BTRC: variants seen among roughly 807,000 people sequenced by gnomAD.
The protein encoded by BTRC is F-box/WD repeat-containing protein 1A.
Under a neutral mutation model 85.5 loss-of-function variants are expected in BTRC, and 42 were observed. The ratio of observed to expected loss-of-function variants is 0.49; its 90% CI spans 0.38 to 0.64. The LOEUF is 0.64. Among genes scored for constraint, BTRC ranks in the 30% least tolerant of loss-of-function variants. The probability of loss-of-function intolerance (pLI) is 0.00; values close to 1 mark genes in which losing one functional copy is unlikely to be tolerated. For synonymous variants in BTRC, 255 were observed against 263.3 expected (o/e 0.97, Z 0.30); for missense variants, 594 against 743.5 (o/e 0.80, Z 2.34).
chr10:101,358,218 C>T (rs1049761264), intron 1 of BTRC, among the ~76,000 whole-genome samples: 5 of 152,194 alleles, frequency 3.3e-5, no homozygotes, highest in African/African-American at 7.2e-5. Context: ...CCTCCTGCCT[C>T]GGCGTCTCAA....
At chr10:101,552,855 C>G (rs774811168) in intron 14 of BTRC, among the ~76,000 whole-genome samples, 18 of 152,190 alleles carry the variant, frequency 1.2e-4, no homozygotes, top group Non-Finnish European at 2.2e-4. Context: ...CCCTGCCATT[C>G]TACAGGGCAA....
chr10:101,534,591 C>A, intron 9 of BTRC, 70 bp from the exon 10 acceptor site: 1 of 1,580,698 alleles, frequency 6.3e-7, no homozygotes, highest in Admixed American at 1.7e-5. Flanking sequence ...GGTGGAAGGG[C>A]GCATGATGGT....
At chr10:101,459,606 T>G (rs1945170110) in intron 2 of BTRC, among the ~76,000 whole-genome samples, 1 of 152,206 alleles carries the variant, frequency 6.6e-6, no homozygotes, top group Non-Finnish European at 1.5e-5. Context: ...ATTTTTTGTT[T>G]AAGAGTTATT....
At chr10:101,431,082 T>TTA (rs1944391662) in intron 2 of BTRC, among the ~76,000 whole-genome samples, 1 of 143,050 alleles carries the variant, frequency 7.0e-6, no homozygotes, top group South Asian at 2.4e-4. Flanking sequence ...TTTTTTTTTT[T>TTA]TTTTTTTTTT....
At chr10:101,430,133 C>CT (rs1451408247) in intron 1 of BTRC, among the ~76,000 whole-genome samples, 4 of 152,234 alleles carry the variant, frequency 2.6e-5, no homozygotes, top group East Asian at 3.9e-4. Context: ...ACGATAACTT[C>CT]TTTTTTTACC....
chr10:101,541,482 G>A (rs917764107), intron 13 of BTRC, among the ~76,000 whole-genome samples: 5 of 151,940 alleles, frequency 3.3e-5, no homozygotes, highest in Non-Finnish European at 5.9e-5. Flanking sequence ...GGATGGTCTC[G>A]ATCTCCTGAC....
chr10:101,366,909 AATAT>A lies in BTRC; in HGVS notation c.48+12686_48+12689del, dbSNP rs1942431886. Among the ~76,000 whole-genome samples the A allele has an allele frequency of 1.0e-4, 2 of 19,294 alleles. 1 individual carries two copies. The highest frequency in any genetic ancestry group is 2.0e-4 in the Non-Finnish European group (2 of 9,980). The allele number at this position is 19,294 out of a possible 152,430, so 12.7% of individuals were successfully genotyped here. On this transcript the variant is annotated intron_variant, in intron 1 of 14. Coordinates refer to ENST00000370187, the MANE Select transcript of BTRC (RefSeq NM_033637.4). ...ATATTTATATATATTTATATATATTAATATATATTTATATATATTTATATATATT... is the reference window on the plus strand; with the variant it reads ...ATATTTATATATATTTATATATATTAATATTTATATATATTTATATATATT...
intron 3 of BTRC, among the ~76,000 whole-genome samples, chr10:101,463,070 C>T (rs1033090282): frequency 1.4e-5 from 2 of 145,310 alleles, no homozygotes; most frequent in African/African-American, 2.5e-5. Context: ...TTTTGAGACA[C>T]AGTCTTGCTC....
intron 13 of BTRC, among the ~76,000 whole-genome samples, chr10:101,544,835 A>G (rs2062532541): frequency 6.6e-6 from 1 of 152,080 alleles, no homozygotes; most frequent in Non-Finnish European, 1.5e-5. Context: ...GAGGCGGTGG[A>G]TTGCTTGAAC....
At chr10:101,451,033 T>C (rs908486939) in intron 2 of BTRC, among the ~76,000 whole-genome samples, 11 of 152,190 alleles carry the variant, frequency 7.2e-5, no homozygotes, top group African/African-American at 2.7e-4. Flanking sequence ...TGCCTAAGTA[T>C]AGCAGTTTGC....
chr10:101,390,908 C>CT (rs769976350), intron 1 of BTRC, among the ~76,000 whole-genome samples: 1 of 152,160 alleles, frequency 6.6e-6, no homozygotes, highest in East Asian at 1.9e-4. Context: ...TAATTTTATA[C>CT]TTTTTAAGAC....
chr10:101,435,513 G>A (rs1333510663), intron 2 of BTRC, among the ~76,000 whole-genome samples: 1 of 152,082 alleles, frequency 6.6e-6, no homozygotes, highest in Non-Finnish European at 1.5e-5. Flanking sequence ...ATTTATCCAT[G>A]TTACGTATAT....
chr10:101,392,011 G>T (rs907141360), intron 1 of BTRC, among the ~76,000 whole-genome samples: 1 of 151,876 alleles, frequency 6.6e-6, no homozygotes, highest in African/African-American at 2.4e-5. Flanking sequence ...ACGGAGGCTT[G>T]CTCTGTCGCC....
In BTRC at chr10:101,526,215, T is replaced by G; in HGVS notation, c.743+16T>G. On this transcript the variant is annotated intron_variant, in intron 6 of 14. Transcript: ENST00000370187. ...GAAGAGGATGGTGAGCCTTTAACTT[T>G]TCTTACTCTTATACGGCTTCAGGAC... The G allele has an allele frequency of 3.7e-6, 6 of 1,611,670 alleles. No homozygotes were observed. Among genetic ancestry groups the G allele is most frequent in the Non-Finnish European group, 5.1e-6 (6 of 1,178,370 alleles).
At chr10:101,455,925 T>G (rs1945063770) in intron 2 of BTRC, among the ~76,000 whole-genome samples, 2 of 150,248 alleles carry the variant, frequency 1.3e-5, no homozygotes, top group Non-Finnish European at 2.9e-5. Flanking sequence ...GTGGATCACT[T>G]GAGGTTAGGA....
intron 1 of BTRC, among the ~76,000 whole-genome samples, chr10:101,366,928 TTA>T (rs1189157014): frequency 2.2e-4 from 3 of 13,596 alleles, no homozygotes; most frequent in East Asian, 3.6e-3. Flanking sequence ...TTATATATAT[TTA>T]TATATATTTA....
intron 12 of BTRC, among the ~76,000 whole-genome samples, chr10:101,537,793 C>G (rs1361721926): frequency 6.6e-6 from 1 of 152,170 alleles, no homozygotes; most frequent in Non-Finnish European, 1.5e-5. Context: ...TTGGTCAAGA[C>G]AATATTTTCT....
chr10:101,556,642 A>T lies in BTRC; in HGVS notation c.*3519A>T, dbSNP rs1385109818. ...GAGCCATTTCTTAGGGGAATAAAAC[A>T]GTTTCGCTTCTTTAGCTCATCTGTG... On this transcript the variant is annotated 3_prime_UTR_variant, in exon 15 of 15. Transcript: ENST00000370187. 6.6e-6 allele frequency: 1 copy of T among 152,258 alleles called. No homozygotes were observed. Among genetic ancestry groups the T allele is most frequent in the African/African-American group, 2.4e-5 (1 of 41,462 alleles). The allele number at this position is 152,258 out of a possible 1,614,324, so 9.4% of individuals were successfully genotyped here.
At chr10:101,489,843 CT>C (rs1223277685) in intron 4 of BTRC, among the ~76,000 whole-genome samples, 2 of 152,060 alleles carry the variant, frequency 1.3e-5, no homozygotes, top group Non-Finnish European at 2.9e-5. Context: ...TTGAAGGCAT[CT>C]TTTTTTGTTT....
Sources: gnomAD v4.1 joint callset for allele counts (sites outside exome capture counted in the v4.1 genomes callset) on GRCh38, gnomAD v4.1.1 for gene constraint, MANE v1.5 for transcripts, NCBI Gene and HGNC (gene_info 2026-07-23, HGNC 2026-07-21) for gene names.